SAMD12: variants seen among roughly 807,000 people sequenced by gnomAD.
SAMD12 encodes the protein sterile alpha motif domain containing 12.
A neutral mutation model predicts 15.0 loss-of-function variants in SAMD12; 9 were observed. The ratio of observed to expected loss-of-function variants is 0.60; its 90% CI spans 0.36 to 1.05. SAMD12 has a LOEUF of 1.05. SAMD12 is among the 50% of genes least tolerant of loss of function. SAMD12 has a pLI of 0.01. For missense variants in SAMD12, 230 were observed against 234.2 expected (o/e 0.98, Z 0.12); for synonymous variants, 86 against 90.1 (o/e 0.96, Z 0.25).
chr8:118,276,357 C>T (rs564707957), intron 4 of SAMD12, among the ~76,000 whole-genome samples: 17 of 152,270 alleles, frequency 1.1e-4, no homozygotes, highest in Admixed American at 2.6e-4. Context: ...TTGAAGAAAA[C>T]GCAGTACACT....
At chr8:118,341,181 T>G (rs58897644) in intron 4 of SAMD12, among the ~76,000 whole-genome samples, 16,000 of 152,166 alleles carry the variant, frequency 0.11, 1,536 homozygotes, top group African/African-American at 0.24. Flanking sequence ...TCATGTGGCT[T>G]GGTCTTCTCA....
chr8:118,468,131 A>T (rs1823650228), intron 2 of SAMD12, among the ~76,000 whole-genome samples: 1 of 152,226 alleles, frequency 6.6e-6, no homozygotes, highest in Non-Finnish European at 1.5e-5. Context: ...CACACAGCAG[A>T]GTACCCTAGC....
chr8:118,132,970 G>GTA, the SAMD12 span, among the ~76,000 whole-genome samples: 15 of 67,516 alleles, frequency 2.2e-4, no homozygotes, highest in South Asian at 1.7e-3. Context: ...ATGTGTGTGT[G>GTA]TGTATATATA....
chr8:118,431,687 C>CGTGTGT (rs56898456), intron 3 of SAMD12, among the ~76,000 whole-genome samples: 559 of 147,430 alleles, frequency 3.8e-3, no homozygotes, highest in East Asian at 0.035. Flanking sequence ...TTACCTTTGT[C>CGTGTGT]GTGTGTGTGT....
the SAMD12 span, among the ~76,000 whole-genome samples, chr8:118,149,721 C>A: frequency 6.6e-6 from 1 of 152,022 alleles, no homozygotes; most frequent in Non-Finnish European, 1.5e-5. Flanking sequence ...TGCATTTATG[C>A]CCATGATCCG....
intron 4 of SAMD12, among the ~76,000 whole-genome samples, chr8:118,309,514 A>G (rs1267060905): frequency 6.6e-6 from 1 of 152,004 alleles, no homozygotes; most frequent in African/African-American, 2.4e-5. Context: ...TGCATGTGCA[A>G]GTATCTTTTT....
intron 2 of SAMD12, among the ~76,000 whole-genome samples, chr8:118,472,976 T>C (rs916016079): frequency 1.3e-5 from 2 of 152,104 alleles, no homozygotes; most frequent in Non-Finnish European, 2.9e-5. Flanking sequence ...GCTCACCTGA[T>C]ATATTTTTAG....
chr8:118,532,398 C>CT (rs139355704), intron 2 of SAMD12, among the ~76,000 whole-genome samples: 76,289 of 151,506 alleles, frequency 0.5, 19,612 homozygotes, highest in African/African-American at 0.6. Context: ...CTAAAATTCT[C>CT]TTTTTTTTGT....
chr8:118,551,635 A>C (rs1285944677), intron 2 of SAMD12, among the ~76,000 whole-genome samples: 1 of 151,806 alleles, frequency 6.6e-6, no homozygotes, highest in Non-Finnish European at 1.5e-5. Flanking sequence ...GCAAGAGCAA[A>C]CACATTCAAA....
chr8:118,191,768 A>T (rs1300705040), exon 5 of SAMD12: 3 of 16,304 alleles, frequency 1.8e-4, no homozygotes, highest in African/African-American at 3.5e-4. Context: ...ATATATATAT[A>T]TATATATATA....
At chr8:118,582,750 C>T (rs774503264) in intron 1 of SAMD12, among the ~76,000 whole-genome samples, 18 of 152,000 alleles carry the variant, frequency 1.2e-4, no homozygotes, top group Non-Finnish European at 2.4e-4. Context: ...AAATCATGGC[C>T]CATTTAGTAT....
At chr8:118,242,993 G>C (rs1812608214) in intron 4 of SAMD12, among the ~76,000 whole-genome samples, 1 of 152,118 alleles carries the variant, frequency 6.6e-6, no homozygotes, top group Admixed American at 6.6e-5. Context: ...CCTGCTCTAT[G>C]ATCCAGGAAG....
chr8:118,155,802 T>C, the SAMD12 span, among the ~76,000 whole-genome samples: 5 of 152,346 alleles, frequency 3.3e-5, no homozygotes, highest in African/African-American at 1.2e-4. Flanking sequence ...TGTGTCCAAA[T>C]TAGCAGTATC....
At chr8:118,209,818 T>G (rs1037050845) in intron 4 of SAMD12, among the ~76,000 whole-genome samples, 3 of 152,220 alleles carry the variant, frequency 2.0e-5, no homozygotes, top group Admixed American at 6.5e-5. Context: ...ACCAGTCAAA[T>G]AAGGCCTTTA....
At chr8:118,322,121 C>T (rs1816316863) in intron 4 of SAMD12, among the ~76,000 whole-genome samples, 1 of 152,154 alleles carries the variant, frequency 6.6e-6, no homozygotes, top group Non-Finnish European at 1.5e-5. Flanking sequence ...TGAAATAGGC[C>T]TCCCACAATT....
At chr8:118,285,033 C>T (rs973861616) in intron 4 of SAMD12, 7 of 151,794 alleles carry the variant, frequency 4.6e-5, no homozygotes, top group South Asian at 2.1e-4. Context: ...ACAAATGACC[C>T]GGCCGAAGTT....
At chr8:118,395,705 T>C (rs1187771213) in intron 3 of SAMD12, among the ~76,000 whole-genome samples, 1 of 152,166 alleles carries the variant, frequency 6.6e-6, no homozygotes, top group Admixed American at 6.5e-5. Context: ...ATGCCTGTAA[T>C]CCTAGCACTT....
chr8:118,305,627 CAGA>C (rs1317484941), intron 4 of SAMD12, among the ~76,000 whole-genome samples: 2 of 152,144 alleles, frequency 1.3e-5, no homozygotes, highest in African/African-American at 2.4e-5. Context: ...CTGCTTTCCA[CAGA>C]AGGACACTCT....
intron 2 of SAMD12, among the ~76,000 whole-genome samples, chr8:118,498,967 A>G (rs1429375627): frequency 1.3e-5 from 2 of 152,220 alleles, no homozygotes; most frequent in African/African-American, 2.4e-5. Flanking sequence ...CTCTCCAGTG[A>G]ATACATGCTG....
Sources: gnomAD v4.1 joint callset for allele counts (sites outside exome capture counted in the v4.1 genomes callset) on GRCh38, gnomAD v4.1.1 for gene constraint, MANE v1.5 for transcripts, NCBI Gene and HGNC (gene_info 2026-07-23, HGNC 2026-07-21) for gene names.